Variants in NUP107 observed in about 807,000 individuals in gnomAD.
NUP107 encodes the protein nucleoporin 107.
A neutral mutation model predicts 141.0 loss-of-function variants in NUP107; 101 were observed. The ratio of observed to expected loss-of-function variants is 0.72; its 90% CI spans 0.61 to 0.84. The LOEUF (loss-of-function observed/expected upper bound fraction) is 0.84, where lower values mean the gene tolerates loss of function less well. Ranked by LOEUF, NUP107 falls within the 40% of genes least tolerant of loss-of-function variation. The pLI is 0.00. For missense variants in NUP107, 941 were observed against 1,102.7 expected (o/e 0.85, Z 2.08); for synonymous variants, 319 against 363.9 (o/e 0.88, Z 1.41).
At chr12:68,689,983 C>G (rs1310789416) in intron 3 of NUP107, 2 of 167,662 alleles carry the variant, frequency 1.2e-5, no homozygotes, top group African/African-American at 4.8e-5. Context: ...GAGTTCAAGA[C>G]TAGCTTGGCC....
intron 5 of NUP107, among the ~76,000 whole-genome samples, chr12:68,695,125 A>G (rs550201660): frequency 6.6e-6 from 1 of 152,246 alleles, no homozygotes; most frequent in Non-Finnish European, 1.5e-5. Context: ...AATAACAAGT[A>G]TTGACAACAA....
Position 68,732,655 on chromosome 12 carries a change from G to T in NUP107, c.2017G>T (p.Asp673Tyr). Residue 673 changes from aspartate (D) to tyrosine (Y), a missense_variant, in exon 23 of 28, where the codon GAT (aspartate) becomes TAT (tyrosine). Physicochemically the swap from Asp to Tyr is radical, Grantham distance 160. Transcript: ENST00000229179. ...TAAATAGGAGGATCGTTTAAAAATT[G>T]ATGTAATTGACTGGTTGGTATTTGA... ...GTTEEDRLKI[D>Y]VIDWLVFDPA... 1 of 1,592,808 alleles carries T rather than the reference G, an allele frequency of 6.3e-7. No homozygotes were observed. Among genetic ancestry groups the T allele is most frequent in the South Asian group, 1.1e-5 (1 of 88,042 alleles).
chr12:68,735,173 AAAT>A, intron 25 of NUP107, 55 bp from the exon 26 acceptor site: 4 of 1,153,176 alleles, frequency 3.5e-6, no homozygotes, highest in African/African-American at 1.5e-5. Context: ...TGTATTTTCC[AAAT>A]ACATTATTTA....
Position 68,743,184 on chromosome 12 carries a change from C to T in NUP107, c.*722C>T, listed in dbSNP as rs571613682. The T allele has an allele frequency of 6.6e-6, 1 of 152,136 alleles. No individual in the cohort carries two copies. Among genetic ancestry groups the T allele is most frequent in the Non-Finnish European group, 1.5e-5 (1 of 68,068 alleles). 9.4% of individuals were successfully genotyped at this position (152,136 alleles called of 1,614,324 possible). ...AGGCCGAGGCAGGTGGATCACCTGT[C>T]GTCAGGAGTTTGAGACCAGCCTGGC... On this transcript the variant is annotated 3_prime_UTR_variant, in exon 28 of 28. Transcript: ENST00000229179.
At position 68,722,104 on chromosome 12, in the gene NUP107, C is replaced by T. The variant is rs1163163357; in HGVS notation, c.1458C>T (p.Asn486=). ...EELPREYLGA[N]WTLEKVFEEL... is the part of the protein sequence containing the mutation. ...TCTTTTCCCGTTGTTTCTTTTGAAG[C>T]TGGACGTTAGAAAAGGTTTTTGAGG... is the stretch of plus-strand genomic sequence containing the variant. Residue 486 remains asparagine, a splice_region_variant and synonymous_variant, in exon 17 of 28, where the codon AAC becomes AAT. Coordinates refer to ENST00000229179, the MANE Select transcript of NUP107 (RefSeq NM_020401.4). 1 of 1,613,314 alleles carries T rather than the reference C, an allele frequency of 6.2e-7. No individual in the cohort carries two copies. Among genetic ancestry groups the T allele is most frequent in the Non-Finnish European group, 8.5e-7 (1 of 1,179,814 alleles).
At chr12:68,703,140 C>T (rs1041002708) in intron 8 of NUP107, among the ~76,000 whole-genome samples, 4 of 152,144 alleles carry the variant, frequency 2.6e-5, no homozygotes, top group African/African-American at 9.7e-5. Context: ...GCCACTGCGC[C>T]CAGCCAGGAT....
At position 68,745,763 on chromosome 12, in the gene NUP107, A is replaced by G. The variant is rs1878503361; in HGVS notation, c.*3301A>G. The G allele has an allele frequency of 6.6e-6, 1 of 152,306 alleles. No individual in the cohort carries two copies. Among genetic ancestry groups the G allele is most frequent in the African/African-American group, 2.4e-5 (1 of 41,464 alleles). 9.4% of individuals were successfully genotyped at this position (152,306 alleles called of 1,614,324 possible). A position where few individuals can be genotyped will look rare whatever the true frequency, so the allele number is the denominator to read the frequency against. On this transcript the variant is annotated 3_prime_UTR_variant, in exon 28 of 28. Coordinates refer to ENST00000229179, the MANE Select transcript of NUP107 (RefSeq NM_020401.4). Reference sequence around the variant, plus strand: ...ATACCCGATGATGCTGTCTGTTGGAAAGTAAATTTTGAATGTCTTTTTCCA... The same window carrying G: ...ATACCCGATGATGCTGTCTGTTGGAGAGTAAATTTTGAATGTCTTTTTCCA...
In NUP107 at chr12:68,731,109, G is replaced by T; in HGVS notation, c.1735-1G>T. 3 of 1,552,368 alleles carry T rather than the reference G, an allele frequency of 1.9e-6. No individual in the cohort carries two copies. The highest frequency in any genetic ancestry group is 2.1e-5 in the Admixed American group (1 of 47,674). ...TACTTTGATCTTTTTCTATTTTTTA[G>T]CTTTTAATAAGAGAGAAACATACAA... On this transcript the variant is annotated splice_acceptor_variant, in intron 20 of 27. Transcript: ENST00000229179. LOFTEE classifies it high-confidence loss of function.
At chr12:68,739,434 C>T (rs554021594) in intron 26 of NUP107, among the ~76,000 whole-genome samples, 1 of 152,194 alleles carries the variant, frequency 6.6e-6, no homozygotes, top group African/African-American at 2.4e-5. Context: ...ATGAATGATA[C>T]TGCATTACTG....
rs756205357 is a variant in NUP107 at position 68,745,323 on chromosome 12, G to T, written c.*2861G>T. On this transcript the variant is annotated 3_prime_UTR_variant, in exon 28 of 28. Transcript: ENST00000229179. ...AAACTAAGAATTGATGTATTGGCAGGAACAGCTGGACATTCAAGATGTTTT... is the reference window on the plus strand; with the variant it reads ...AAACTAAGAATTGATGTATTGGCAGTAACAGCTGGACATTCAAGATGTTTT... 2 of 152,188 alleles carry T rather than the reference G, an allele frequency of 1.3e-5. No homozygotes were observed. Among genetic ancestry groups the T allele is most frequent in the Non-Finnish European group, 2.9e-5 (2 of 68,040 alleles). 9.4% of individuals were successfully genotyped at this position (152,188 alleles called of 1,614,324 possible). A position where few individuals can be genotyped will look rare whatever the true frequency, so the allele number is the denominator to read the frequency against.
At chr12:68,728,593 G>C (rs1877674038) in intron 20 of NUP107, among the ~76,000 whole-genome samples, 1 of 151,482 alleles carries the variant, frequency 6.6e-6, no homozygotes, top group African/African-American at 2.4e-5. Context: ...TGTATTTTTA[G>C]TAGAGATGGG....
In NUP107 at chr12:68,734,783, C is replaced by G. The variant is rs768492034; in HGVS notation, c.2338C>G (p.Pro780Ala). The G allele has an allele frequency of 1.2e-6, 2 of 1,613,188 alleles. No individual in the cohort carries two copies. Among genetic ancestry groups the G allele is most frequent in the Non-Finnish European group, 1.7e-6 (2 of 1,179,648 alleles). The change falls in exon 25 of 28, where the codon CCA (proline) becomes GCA (alanine). Residue 780 changes from proline (P) to alanine (A), a missense_variant. Transcript: ENST00000229179. Reference sequence around the variant, plus strand: ...ACAAAAACCTGCTTTGATACCTCAACCAACTTTTACTGAGAAAGTGGCTCA... The same window carrying G: ...ACAAAAACCTGCTTTGATACCTCAAGCAACTTTTACTGAGAAAGTGGCTCA... ...VPQKPALIPQ[P>A]TFTEKVAHEH...
Position 68,702,616 on chromosome 12 carries a change from A to G in NUP107, c.681-120A>G. 3 of 652,532 alleles carry G rather than the reference A, an allele frequency of 4.6e-6. No homozygotes were observed. The South Asian group carries it at 5.6e-5, about 12-fold the overall frequency. The allele number at this position is 652,532 out of a possible 1,614,324, so 40.4% of individuals were successfully genotyped here. ...TACAGATATACATATTTGAAAAAATAAATAATAAAAAATTTTTAAAAAGAA... is the reference window on the plus strand; with the variant it reads ...TACAGATATACATATTTGAAAAAATGAATAATAAAAAATTTTTAAAAAGAA... On this transcript the variant is annotated intron_variant, in intron 7 of 27. Transcript: ENST00000229179.
At chr12:68,699,018 T>A (rs943611675) in intron 6 of NUP107, among the ~76,000 whole-genome samples, 2 of 152,054 alleles carry the variant, frequency 1.3e-5, no homozygotes, top group Admixed American at 1.3e-4. Context: ...TGAGGGAGGC[T>A]GGGATTGTGT....
At chr12:68,700,095 G>A (rs542261710) in intron 6 of NUP107, among the ~76,000 whole-genome samples, 1 of 152,002 alleles carries the variant, frequency 6.6e-6, no homozygotes, top group Non-Finnish European at 1.5e-5. Context: ...GTAGAGATGG[G>A]GTTTCACCAT....
intron 7 of NUP107, among the ~76,000 whole-genome samples, 185 bp downstream of exon 7, chr12:68,701,038 G>A (rs1246749838): frequency 6.6e-6 from 1 of 152,166 alleles, no homozygotes; most frequent in African/African-American, 2.4e-5. Flanking sequence ...AGATCATAAG[G>A]CTGGTAGTTA....
Position 68,721,203 on chromosome 12 carries a change from A to G in NUP107, c.1311+26A>G, listed in dbSNP as rs927551838. ...GTATGCAATCTGTTTTAATGTTTAA[A>G]TTTTTTCTGTGGAGTAAAATTAAAT... On this transcript the variant is annotated intron_variant, in intron 15 of 27. Coordinates refer to ENST00000229179, the MANE Select transcript of NUP107 (RefSeq NM_020401.4). The G allele has an allele frequency of 2.7e-6, 4 of 1,506,264 alleles. No individual in the cohort carries two copies. In the African/African-American group the frequency reaches 4.2e-5, roughly 16 times the overall value. 93.3% of individuals were successfully genotyped at this position (1,506,264 alleles called of 1,614,324 possible). A position where few individuals can be genotyped will look rare whatever the true frequency, so the allele number is the denominator to read the frequency against.
rs1262520176 is a variant in NUP107 at position 68,744,691 on chromosome 12, C to T, written c.*2229C>T. The T allele has an allele frequency of 6.6e-6, 1 of 152,252 alleles. No homozygotes were observed. The highest frequency in any genetic ancestry group is 1.5e-5 in the Non-Finnish European group (1 of 68,100). 9.4% of individuals were successfully genotyped at this position (152,252 alleles called of 1,614,324 possible). ...AAGCCACTGCACCCAGCCAATTGGA[C>T]TCCTTTGAGTCCTTAGGGAGTCAAT... On this transcript the variant is annotated 3_prime_UTR_variant, in exon 28 of 28. Transcript: ENST00000229179.
At chr12:68,725,599 G>C (rs990094743) in intron 17 of NUP107, 128 bp from the exon 18 acceptor site, 2 of 583,996 alleles carry the variant, frequency 3.4e-6, no homozygotes, top group African/African-American at 3.9e-5. Context: ...TCTTTCTAAG[G>C]CCCTTCATTT....
Sources: allele counts gnomAD v4.1 joint callset (sites outside exome capture counted in the v4.1 genomes callset), GRCh38; gene constraint gnomAD v4.1.1; transcripts MANE v1.5; gene names NCBI Gene and HGNC (gene_info 2026-07-23, HGNC 2026-07-21).